LNX1: variants seen among roughly 807,000 people sequenced by gnomAD.
LNX1 encodes E3 ubiquitin-protein ligase LNX.
A neutral mutation model predicts 68.4 loss-of-function variants in LNX1; 54 were observed. That is an observed-to-expected ratio of 0.79 (90% CI 0.63 to 0.99). The LOEUF (loss-of-function observed/expected upper bound fraction) is 0.99, where lower values mean the gene tolerates loss of function less well. Among genes scored for constraint, LNX1 ranks in the 50% least tolerant of loss-of-function variants. The probability of loss-of-function intolerance (pLI) is 0.00; values close to 1 mark genes in which losing one functional copy is unlikely to be tolerated. For synonymous variants in LNX1, 336 were observed against 350.0 expected (o/e 0.96, Z 0.45); for missense variants, 906 against 926.4 (o/e 0.98, Z 0.29).
chr4:53,480,362 G>T (rs1189321470), intron 7 of LNX1, among the ~76,000 whole-genome samples: 1 of 152,182 alleles, frequency 6.6e-6, no homozygotes, highest in East Asian at 1.9e-4. Flanking sequence ...TGATGAGGAG[G>T]TGGAAGGAAT....
chr4:53,571,265 C>G (rs1170146771), intron 2 of LNX1, among the ~76,000 whole-genome samples: 5 of 151,922 alleles, frequency 3.3e-5, no homozygotes, highest in Non-Finnish European at 7.4e-5. Context: ...AGTGATCTGC[C>G]TGCCTCCGCC....
At chr4:53,638,414 C>T (rs1197669524) in intron 1 of LNX1, among the ~76,000 whole-genome samples, 1 of 152,118 alleles carries the variant, frequency 6.6e-6, no homozygotes, top group Non-Finnish European at 1.5e-5. Flanking sequence ...ATTGTAACCC[C>T]AAACTCAATG....
chr4:53,515,867 C>T (rs1219323495), intron 2 of LNX1, among the ~76,000 whole-genome samples: 2 of 152,200 alleles, frequency 1.3e-5, no homozygotes, highest in African/African-American at 4.8e-5. Flanking sequence ...TCTACTGGCT[C>T]TGCAACTTTG....
chr4:53,634,989 C>T (rs1734416533), intron 1 of LNX1, among the ~76,000 whole-genome samples: 1 of 151,938 alleles, frequency 6.6e-6, no homozygotes. Flanking sequence ...CCATATACAG[C>T]TAATTTTTAG....
At chr4:53,487,207 G>A (rs1381793441) in intron 6 of LNX1, among the ~76,000 whole-genome samples, 1 of 152,192 alleles carries the variant, frequency 6.6e-6, no homozygotes, top group Non-Finnish European at 1.5e-5. Context: ...GGAGCACAGG[G>A]CATCTTTCTA....
intron 1 of LNX1, chr4:53,652,020 T>TGAGAGAGAGAGAGAGAGA (rs397993377): frequency 1.9e-4 from 20 of 106,986 alleles, no homozygotes; most frequent in African/African-American, 7.7e-4. Context: ...TGTGTGTGTG[T>TGAGAGAGAGAGAGAGAGA]GAGAGAGAGA....
rs548287454 is a variant in LNX1, at chr4:53,561,929, A to G, written c.380+11694T>C. Reference sequence around the variant, plus strand: ...CGTTCTGTACGTGTATCCCAGAATTAAAAAAAAGGAAAAAGGAGAGAAAGT... The same window carrying G: ...CGTTCTGTACGTGTATCCCAGAATTGAAAAAAAGGAAAAAGGAGAGAAAGT... On this transcript the variant is annotated intron_variant, in intron 2 of 10. Coordinates refer to ENST00000263925, the MANE Select transcript of LNX1 (RefSeq NM_001126328.3). 6.2e-4 allele frequency among the ~76,000 whole-genome samples: 66 copies of G among 106,030 alleles called. No individual in the cohort carries two copies. In the South Asian group the frequency reaches 0.015, roughly 24 times the overall value. The allele number at this position is 106,030 out of a possible 152,430, so 69.6% of individuals were successfully genotyped here. A position where few individuals can be genotyped will look rare whatever the true frequency, so the allele number is the denominator to read the frequency against.
rs1176303548 is a variant in LNX1 at position 53,460,589 on chromosome 4, TAAATTTA to T, written c.*311_*317del. ...GCAGACTTCAGCATATACCAAATTT[TAAATTTA>T]AATCAGCTTGAATTCAGTGGGGTAT... On this transcript the variant is annotated 3_prime_UTR_variant, in exon 11 of 11. Transcript: ENST00000263925. The T allele has an allele frequency of 3.9e-6, 1 of 254,084 alleles. No individual in the cohort carries two copies. The highest frequency in any genetic ancestry group is 5.6e-5 in the Admixed American group (1 of 17,942). 15.7% of individuals were successfully genotyped at this position (254,084 alleles called of 1,614,324 possible).
intron 2 of LNX1, among the ~76,000 whole-genome samples, chr4:53,536,894 T>C (rs1728413817): frequency 6.6e-6 from 1 of 152,264 alleles, no homozygotes; most frequent in Non-Finnish European, 1.5e-5. Context: ...AGTATAGATG[T>C]AGAATTTCTG....
upstream of LNX1, among the ~76,000 whole-genome samples, chr4:53,592,749 G>A (rs1174413591): frequency 1.3e-5 from 2 of 152,156 alleles, no homozygotes; most frequent in Non-Finnish European, 2.9e-5. Flanking sequence ...GTTTGGGGGA[G>A]GGTGGAGGAA....
chr4:53,512,857 C>G (rs1437687291), intron 2 of LNX1, among the ~76,000 whole-genome samples: 2 of 152,104 alleles, frequency 1.3e-5, no homozygotes, highest in African/African-American at 4.8e-5. Context: ...TGGGGCCAGG[C>G]TGGGAGACTG....
intron 1 of LNX1, 88 bp downstream of exon 1, chr4:53,591,300 G>T: frequency 1.2e-6 from 1 of 806,998 alleles, no homozygotes; most frequent in Non-Finnish European, 1.5e-6. Context: ...CGTTCAGCTT[G>T]TATTTTTTCA....
intron 2 of LNX1, among the ~76,000 whole-genome samples, chr4:53,543,365 A>T (rs1183263537): frequency 6.6e-6 from 1 of 152,226 alleles, no homozygotes; most frequent in African/African-American, 2.4e-5. Context: ...ATATAAGTTT[A>T]CTGCAGAATC....
At chr4:53,615,039 C>A (rs1733634942) in intron 2 of LNX1, among the ~76,000 whole-genome samples, 1 of 151,694 alleles carries the variant, frequency 6.6e-6, no homozygotes, top group African/African-American at 2.4e-5. Flanking sequence ...AAAACATTGA[C>A]CCTAGTTTTG....
At chr4:53,598,786 G>A (rs956003382) in intron 2 of LNX1, among the ~76,000 whole-genome samples, 1 of 152,162 alleles carries the variant, frequency 6.6e-6, no homozygotes, top group Non-Finnish European at 1.5e-5. Flanking sequence ...ACTTTGGGAA[G>A]GGAGCTAACT....
chr4:53,478,533 C>T (rs116520390), intron 8 of LNX1, 32 bp downstream of exon 8: 3 of 1,578,046 alleles, frequency 1.9e-6, no homozygotes, highest in East Asian at 4.5e-5. Context: ...TCTCTGCCAC[C>T]CCAGTGCCTT....
At chr4:53,474,754 A>G (rs533724213) in intron 9 of LNX1, among the ~76,000 whole-genome samples, 49 of 142,328 alleles carry the variant, frequency 3.4e-4, no homozygotes, top group African/African-American at 1.2e-3. Flanking sequence ...GAAATGAGCA[A>G]AGTGCAGACT....
At chr4:53,522,241 C>T (rs1330488079) in intron 2 of LNX1, among the ~76,000 whole-genome samples, 1 of 152,172 alleles carries the variant, frequency 6.6e-6, no homozygotes, top group African/African-American at 2.4e-5. Context: ...CCTGGAGTGG[C>T]CACCACTCAA....
In LNX1 at chr4:53,508,072, AG is replaced by A; in HGVS notation, c.535del (p.Leu179Ter). On this transcript the variant is annotated frameshift_variant, in exon 3 of 11. Coordinates refer to ENST00000263925, the MANE Select transcript of LNX1 (RefSeq NM_001126328.3). LOFTEE classifies it high-confidence loss of function. ...CGAGGACACGTAGGCAGGGTTGTCT[AG>A]GCCAGGCTCGTCTGTCATTAAGGAG... ...TISLMTDEPG[L>X]DNPAYVSSAE... is the part of the protein sequence containing the mutation. 1 of 1,614,146 alleles carries A rather than the reference AG, an allele frequency of 6.2e-7. No homozygotes were observed.
Sources: gnomAD v4.1 joint callset for allele counts (sites outside exome capture counted in the v4.1 genomes callset) on GRCh38, gnomAD v4.1.1 for gene constraint, MANE v1.5 for transcripts, NCBI Gene and HGNC (gene_info 2026-07-23, HGNC 2026-07-21) for gene names.